PTPN6: variants seen among roughly 807,000 people sequenced by gnomAD.
PTPN6 encodes the protein tyrosine-protein phosphatase non-receptor type 6.
Under a neutral mutation model 81.5 loss-of-function variants are expected in PTPN6, and 18 were observed. The observed-to-expected ratio is 0.22, with a 90% CI of 0.15 to 0.33. The LOEUF (loss-of-function observed/expected upper bound fraction) is 0.33. Among genes scored for constraint, PTPN6 ranks in the 10% least tolerant of loss-of-function variants. The pLI is 1.00. For synonymous variants in PTPN6, 301 were observed against 310.9 expected (o/e 0.97, Z 0.33); for missense variants, 500 against 794.2 (o/e 0.63, Z 4.45).
chr12:6,960,701 CT>C lies in PTPN6; in HGVS notation c.1674-104del. 5.2e-6 allele frequency: 8 copies of C among 1,551,560 alleles called. No homozygotes were observed. The highest frequency in any genetic ancestry group is 1.4e-5 in the African/African-American group (1 of 73,140). ...AGTGCAGGGACCGTGGCTGCGTCACCTGTGAGACGGGGTGGCCAGAGGGGAC... is the reference window on the plus strand; with the variant it reads ...AGTGCAGGGACCGTGGCTGCGTCACCGTGAGACGGGGTGGCCAGAGGGGAC... On this transcript the variant is annotated intron_variant, in intron 14 of 15. Coordinates refer to ENST00000318974, the MANE Select transcript of PTPN6 (RefSeq NM_002831.6). This position sits in a 1 kb window ranked among gnomAD's most constrained non-coding sequence, Gnocchi z 6.1.
At position 6,960,821 on chromosome 12, in the gene PTPN6, G is replaced by A. The variant is rs370393336; in HGVS notation, c.1689G>A (p.Val563=). ...CCGGCTGCAGACACAAGGAGGATGT[G>A]TATGAGAACCTGCACACTAAGAACA... ...SRTSSKHKED[V]YENLHTKNKR... Residue 563 remains valine, a synonymous_variant, in exon 15 of 16, where the codon GTG becomes GTA. Transcript: ENST00000318974. The surrounding 1 kb of genome is among the most constrained non-coding windows in gnomAD (Gnocchi z 6.1). 12 of 1,568,238 alleles carry A rather than the reference G, an allele frequency of 7.7e-6. No homozygotes were observed. In the African/African-American group the frequency reaches 1.1e-4, roughly 14 times the overall value.
rs1949449811 is a variant in PTPN6 at position 6,951,416 on chromosome 12, A to T, written c.-97A>T. ...GGTGGTGAGGCGGCCCGGCACTGGG[A>T]GCTGCATCTGAGGCTTAGTCCCTGA... On this transcript the variant is annotated 5_prime_UTR_variant, in exon 1 of 16. Coordinates refer to ENST00000318974, the MANE Select transcript of PTPN6 (RefSeq NM_002831.6). The surrounding 1 kb of genome is among the most constrained non-coding windows in gnomAD (Gnocchi z 7.2). The T allele has an allele frequency of 6.4e-7, 1 of 1,563,780 alleles. No homozygotes were observed. The highest frequency in any genetic ancestry group is 1.9e-5 in the Admixed American group (1 of 52,476).
rs1946127453 is a variant in PTPN6, at chr12:6,960,866, G to A, written c.1734G>A (p.Lys578=). The A allele has an allele frequency of 6.3e-7, 1 of 1,581,684 alleles. No homozygotes were observed. Among genetic ancestry groups the A allele is most frequent in the Admixed American group, 1.8e-5 (1 of 55,110 alleles). Residue 578 remains lysine, a synonymous_variant, in exon 15 of 16, where the codon AAG becomes AAA. Coordinates refer to ENST00000318974, the MANE Select transcript of PTPN6 (RefSeq NM_002831.6). This position sits in a 1 kb window ranked among gnomAD's most constrained non-coding sequence, Gnocchi z 6.1. ...HTKNKREEKV[K]KQRSADKEKS... is the part of the protein sequence containing the mutation. ...AGAACAAGAGGGAGGAGAAAGTGAA[G>A]AAGCAGCGGTCAGCAGACAAGGAGA...
chr12:6,958,669 G>A (rs1244912252), intron 11 of PTPN6, among the ~76,000 whole-genome samples: 3 of 152,184 alleles, frequency 2.0e-5, no homozygotes, highest in Admixed American at 2.0e-4. Context: ...CCGCATGTTT[G>A]TGATCAGGAG....
chr12:6,956,067 C>T lies in PTPN6; in HGVS notation c.845-75C>T, dbSNP rs782176766. On this transcript the variant is annotated intron_variant, in intron 7 of 15. Coordinates refer to ENST00000318974, the MANE Select transcript of PTPN6 (RefSeq NM_002831.6). The surrounding 1 kb of genome is among the most constrained non-coding windows in gnomAD (Gnocchi z 4.1). ...CTGAGACCAGAATGGCCTGTTAGCT[C>T]AGGAGGGTCTGACCCAGGTGTGGTG... The T allele has an allele frequency of 1.0e-5, 15 of 1,471,704 alleles. 1 individual carries two copies. The South Asian group carries it at 1.7e-4, about 17-fold the overall frequency. The allele number at this position is 1,471,704 out of a possible 1,614,324, so 91.2% of individuals were successfully genotyped here.
At chr12:6,953,146 G>A (rs992855888) in intron 3 of PTPN6, 1 of 152,082 alleles carries the variant, frequency 6.6e-6, no homozygotes, top group African/African-American at 2.4e-5. Flanking sequence ...TTCGGTCACG[G>A]TGCAGCCCTG....
rs1429383393 is a variant in PTPN6 at position 6,954,339 on chromosome 12, A to G, written c.327-466A>G. 6.6e-6 allele frequency among the ~76,000 whole-genome samples: 1 copy of G among 152,194 alleles called. No homozygotes were observed. Among genetic ancestry groups the G allele is most frequent in the Non-Finnish European group, 1.5e-5 (1 of 68,044 alleles). ...CTGGTCTCTGCTGGGGCACAGTCCC[A>G]TCCTTCACGGAGATTCATCCTTAGC... On this transcript the variant is annotated intron_variant, in intron 3 of 15. Coordinates refer to ENST00000318974, the MANE Select transcript of PTPN6 (RefSeq NM_002831.6). This position sits in a 1 kb window ranked among gnomAD's most constrained non-coding sequence, Gnocchi z 5.4.
chr12:6,951,834 G>A lies in PTPN6; in HGVS notation c.131+103G>A, dbSNP rs368763978. The A allele has an allele frequency of 3.4e-5, 54 of 1,587,942 alleles. No individual in the cohort carries two copies. The African/African-American group carries it at 4.7e-4, about 14-fold the overall frequency. ...TTCCCCGTGGCAGTGCTGACTCCCC[G>A]TCTGTTCCCTTGCCCCCAACCCCCA... On this transcript the variant is annotated intron_variant, in intron 2 of 15. Transcript: ENST00000318974. The surrounding 1 kb of genome is among the most constrained non-coding windows in gnomAD (Gnocchi z 7.2).
In PTPN6 at chr12:6,959,158, T is replaced by C. The variant is rs1946083906; in HGVS notation, c.1362-769T>C. 6.6e-6 allele frequency among the ~76,000 whole-genome samples: 1 copy of C among 152,232 alleles called. No individual in the cohort carries two copies. The highest frequency in any genetic ancestry group is 1.5e-5 in the Non-Finnish European group (1 of 68,046). ...GCTGTCCGGGGACGCGGCTCTGTCC[T>C]GTGCTCTCTCAGGGACAGGCCCATC... is the stretch of plus-strand genomic sequence containing the variant. On this transcript the variant is annotated intron_variant, in intron 11 of 15. Coordinates refer to ENST00000318974, the MANE Select transcript of PTPN6 (RefSeq NM_002831.6). The surrounding 1 kb of genome is among the most constrained non-coding windows in gnomAD (Gnocchi z 6.6).
chr12:6,948,239 G>A (rs1185768232), upstream of PTPN6, among the ~76,000 whole-genome samples: 1 of 151,990 alleles, frequency 6.6e-6, no homozygotes, highest in Admixed American at 6.6e-5. Context: ...GCAACATAGG[G>A]AGAGACCTCA....
chr12:6,960,498 A>G lies in PTPN6; in HGVS notation c.1673+63A>G. 1 of 1,534,726 alleles carries G rather than the reference A, an allele frequency of 6.5e-7. No individual in the cohort carries two copies. Among genetic ancestry groups the G allele is most frequent in the Non-Finnish European group, 8.9e-7 (1 of 1,117,458 alleles). On this transcript the variant is annotated intron_variant, in intron 14 of 15. Coordinates refer to ENST00000318974, the MANE Select transcript of PTPN6 (RefSeq NM_002831.6). The surrounding 1 kb of genome is among the most constrained non-coding windows in gnomAD (Gnocchi z 6.1). ...CTTTGTCCTGCCCAGCCCGATCCTC[A>G]CTTTCTGGAGAGGACAAGTGTTGCA...
chr12:6,959,015 TTCC>T lies in PTPN6; in HGVS notation c.1362-911_1362-909del, dbSNP rs1259434458. Among the ~76,000 whole-genome samples, 1 of 152,184 alleles carries T rather than the reference TTCC, an allele frequency of 6.6e-6. No individual in the cohort carries two copies. Among genetic ancestry groups the T allele is most frequent in the African/African-American group, 2.4e-5 (1 of 41,442 alleles). On this transcript the variant is annotated intron_variant, in intron 11 of 15. Transcript: ENST00000318974. The surrounding 1 kb of genome is among the most constrained non-coding windows in gnomAD (Gnocchi z 6.6). The stretch of plus-strand genomic sequence containing the variant: ...TGGGAACCTGCCTTGCCCCGGTCCC[TTCC>T]CACTCCCTCCGTGGACCCCAGGCCT...
At position 6,955,838 on chromosome 12, in the gene PTPN6, C is replaced by A; in HGVS notation, c.844+82C>A. 7.5e-7 allele frequency: 1 copy of A among 1,332,206 alleles called. No homozygotes were observed. The highest frequency in any genetic ancestry group is 2.3e-5 in the East Asian group (1 of 43,276). The allele number at this position is 1,332,206 out of a possible 1,614,324, so 82.5% of individuals were successfully genotyped here. A position where few individuals can be genotyped will look rare whatever the true frequency, so the allele number is the denominator to read the frequency against. On this transcript the variant is annotated intron_variant, in intron 7 of 15. Coordinates refer to ENST00000318974, the MANE Select transcript of PTPN6 (RefSeq NM_002831.6). The surrounding 1 kb of genome is among the most constrained non-coding windows in gnomAD (Gnocchi z 7.2). ...CCCTCATCTCACAGGTCTCCACCCT[C>A]CACGCCAGGAGGGGCCATCTCCCCA... is the stretch of plus-strand genomic sequence containing the variant.
At position 6,954,730 on chromosome 12, in the gene PTPN6, C is replaced by T; in HGVS notation, c.327-75C>T. On this transcript the variant is annotated intron_variant, in intron 3 of 15. Coordinates refer to ENST00000318974, the MANE Select transcript of PTPN6 (RefSeq NM_002831.6). This position sits in a 1 kb window ranked among gnomAD's most constrained non-coding sequence, Gnocchi z 5.4. ...ACAGTAGGTGCTTGATTTCCGGCCC[C>T]TCTCTGTGAATGTCTCTGCTCAGCG... 2 of 1,473,818 alleles carry T rather than the reference C, an allele frequency of 1.4e-6. No homozygotes were observed. Among genetic ancestry groups the T allele is most frequent in the Non-Finnish European group, 1.9e-6 (2 of 1,077,108 alleles). The allele number at this position is 1,473,818 out of a possible 1,614,324, so 91.3% of individuals were successfully genotyped here. A position where few individuals can be genotyped will look rare whatever the true frequency, so the allele number is the denominator to read the frequency against.
chr12:6,955,262 C>T lies in PTPN6; in HGVS notation c.628C>T (p.Arg210Trp), dbSNP rs973281293. 9.3e-6 allele frequency: 15 copies of T among 1,613,906 alleles called. No homozygotes were observed. The highest frequency in any genetic ancestry group is 1.3e-5 in the African/African-American group (1 of 74,920). Residue 210 changes from arginine (R) to tryptophan (W), a missense_variant, in exon 5 of 16, where the codon CGG becomes TGG. This residue lies in a region of PTPN6 where 96 missense variants were observed against 137.3 expected (regional missense o/e 0.70). Transcript: ENST00000318974. This position sits in a 1 kb window ranked among gnomAD's most constrained non-coding sequence, Gnocchi z 7.2. ...EEASGAFVYL[R>W]QPYYATRVNA... ...GGCCTCAGGCGCCTTTGTCTACCTG[C>T]GGCAGGTCAGGGGTGGGCCCAGCTG...
At chr12:6,958,906 C>T (rs184341119) in intron 11 of PTPN6, among the ~76,000 whole-genome samples, 3 of 152,346 alleles carry the variant, frequency 2.0e-5, no homozygotes, top group East Asian at 3.9e-4. Context: ...GAGACCCTAT[C>T]GTTGTGGCTG....
rs781840209 is a variant in PTPN6, at chr12:6,956,484, C to T, written c.990C>T (p.Ala330=). ...TCGCCAGCCAGGGTTGTCTGGAGGC[C>T]ACGGTCAATGACTTCTGGCAGATGG... ...TYIASQGCLE[A]TVNDFWQMAW... The change falls in exon 9 of 16, where the codon GCC becomes GCT. Residue 330 remains alanine (A), a synonymous_variant. Coordinates refer to ENST00000318974, the MANE Select transcript of PTPN6 (RefSeq NM_002831.6). This position sits in a 1 kb window ranked among gnomAD's most constrained non-coding sequence, Gnocchi z 4.1. 5 of 1,614,094 alleles carry T rather than the reference C, an allele frequency of 3.1e-6. No homozygotes were observed. Among genetic ancestry groups the T allele is most frequent in the Non-Finnish European group, 3.4e-6 (4 of 1,180,038 alleles).
rs782081382 is a variant in PTPN6, at chr12:6,960,634, G to A, written c.1674-172G>A. ...TCTGCTAGGTACCAGCAGCGCACTC[G>A]TGTATGAGATGTAGCCTCTGTCCTC... On this transcript the variant is annotated intron_variant, in intron 14 of 15. Coordinates refer to ENST00000318974, the MANE Select transcript of PTPN6 (RefSeq NM_002831.6). This position sits in a 1 kb window ranked among gnomAD's most constrained non-coding sequence, Gnocchi z 6.1. The A allele has an allele frequency of 1.2e-5, 19 of 1,532,812 alleles. No homozygotes were observed. The highest frequency in any genetic ancestry group is 4.8e-5 in the South Asian group (4 of 83,688). The allele number at this position is 1,532,812 out of a possible 1,614,324, so 95.0% of individuals were successfully genotyped here.
upstream of PTPN6, among the ~76,000 whole-genome samples, chr12:6,949,504 A>G (rs1945890217): frequency 6.6e-6 from 1 of 152,154 alleles, no homozygotes. Context: ...CCTACTCACT[A>G]GCTTGTGACC....
Sources: allele counts gnomAD v4.1 joint callset (sites outside exome capture counted in the v4.1 genomes callset), GRCh38; gene constraint gnomAD v4.1.1; regional missense constraint gnomAD v4.1.1; non-coding constraint Gnocchi (gnomAD v3.1); transcripts MANE v1.5; gene names NCBI Gene and HGNC (gene_info 2026-07-23, HGNC 2026-07-21).